NPIPB2: variants seen among roughly 807,000 people sequenced by gnomAD.
NPIPB2 encodes the protein nuclear pore complex interacting protein family member B2.
A neutral mutation model predicts 30.8 loss-of-function variants in NPIPB2; 27 were observed. The observed-to-expected ratio is 0.88, with a 90% CI of 0.65 to 1.21. The LOEUF (loss-of-function observed/expected upper bound fraction) is 1.21, where lower values mean the gene tolerates loss of function less well. Ranked by LOEUF, NPIPB2 falls within the 50% of genes most tolerant of loss-of-function variation. The pLI, the probability that NPIPB2 is intolerant of heterozygous loss-of-function variation, is 0.00. For synonymous variants in NPIPB2, 147 were observed against 162.0 expected (o/e 0.91, Z 0.70); for missense variants, 440 against 446.2 (o/e 0.99, Z 0.13).
chr16:11,952,086 G>A (rs1284451947), intron 1 of NPIPB2, among the ~76,000 whole-genome samples: 1 of 150,970 alleles, frequency 6.6e-6, no homozygotes, highest in Non-Finnish European at 1.5e-5. Flanking sequence ...GTGAACCCAG[G>A]AGGCGGCGCT....
intron 1 of NPIPB2, among the ~76,000 whole-genome samples, chr16:11,976,216 A>G (rs1344689753): frequency 6.6e-6 from 1 of 152,124 alleles, no homozygotes; most frequent in Non-Finnish European, 1.5e-5. Context: ...GGCGTGAGCC[A>G]CCGCACCAGG....
intron 1 of NPIPB2, among the ~76,000 whole-genome samples, chr16:11,956,802 G>T (rs1221565037): frequency 6.6e-6 from 1 of 152,174 alleles, no homozygotes; most frequent in Admixed American, 6.5e-5. Context: ...AACCTCTTTT[G>T]CTCTTGGCAG....
chr16:11,951,930 C>G (rs963378515), intron 1 of NPIPB2, among the ~76,000 whole-genome samples: 6 of 152,028 alleles, frequency 3.9e-5, no homozygotes, highest in African/African-American at 1.4e-4. Flanking sequence ...GAGGCCGAGG[C>G]GGGCGGACCA....
upstream of NPIPB2, among the ~76,000 whole-genome samples, chr16:11,945,491 AG>A (rs998924202): frequency 3.9e-5 from 6 of 151,938 alleles, no homozygotes; most frequent in African/African-American, 1.2e-4. Flanking sequence ...CTGACCACGA[AG>A]GTAAAACCCC....
At chr16:11,945,102 G>T (rs567523713), upstream of NPIPB2, among the ~76,000 whole-genome samples, 1 of 152,166 alleles carries the variant, frequency 6.6e-6, no homozygotes, top group East Asian at 1.9e-4. Flanking sequence ...CAGAAGAATC[G>T]CTTGAACCCG....
At chr16:11,927,519 G>A (rs2054742128) in exon 8 of NPIPB2, 3 of 1,577,364 alleles carry the variant, frequency 1.9e-6, no homozygotes, top group African/African-American at 1.4e-5. Context: ...TTGGGTTCGG[G>A]TGGTGATTCC....
intron 1 of NPIPB2, among the ~76,000 whole-genome samples, chr16:11,972,360 G>C (rs764776675): frequency 1.1e-4 from 17 of 152,108 alleles, no homozygotes; most frequent in Non-Finnish European, 7.4e-5. Context: ...CAGATCGTAA[G>C]GTCAGGAGTT....
chr16:11,951,893 CTCACGCCT>C (rs1567473868), intron 1 of NPIPB2, among the ~76,000 whole-genome samples: 1 of 152,078 alleles, frequency 6.6e-6, no homozygotes, highest in East Asian at 1.9e-4. Context: ...GGCGCGGTGG[CTCACGCCT>C]GTAATCCCAG....
intron 1 of NPIPB2, chr16:11,966,391 G>A (rs775983218): frequency 1.9e-6 from 3 of 1,562,626 alleles, no homozygotes; most frequent in Non-Finnish European, 2.6e-6. Context: ...GATGGCTATT[G>A]TGAGTTTCAG....
At chr16:11,945,985 C>T (rs1358276513), upstream of NPIPB2, among the ~76,000 whole-genome samples, 1 of 149,728 alleles carries the variant, frequency 6.7e-6, no homozygotes, top group East Asian at 1.9e-4. Flanking sequence ...GCTTGTCAAA[C>T]CATCCCCTCA....
chr16:11,945,337 C>T (rs1420495421), upstream of NPIPB2, among the ~76,000 whole-genome samples: 2 of 152,022 alleles, frequency 1.3e-5, no homozygotes, highest in Non-Finnish European at 2.9e-5. Context: ...GCTCTGATGG[C>T]ACCACTGCAG....
upstream of NPIPB2, among the ~76,000 whole-genome samples, chr16:11,942,638 C>A (rs1009307793): frequency 2.6e-5 from 4 of 152,132 alleles, no homozygotes; most frequent in African/African-American, 9.7e-5. Context: ...GGAATCTGTG[C>A]ATTTCAAGAA....
At chr16:11,937,242 A>C (rs1279741086) in intron 2 of NPIPB2, among the ~76,000 whole-genome samples, 1 of 152,198 alleles carries the variant, frequency 6.6e-6, no homozygotes, top group East Asian at 1.9e-4. Flanking sequence ...TTTAGAAAGA[A>C]TTTCCTATTT....
At chr16:11,973,093 G>T (rs1282457406) in intron 1 of NPIPB2, among the ~76,000 whole-genome samples, 3 of 145,138 alleles carry the variant, frequency 2.1e-5, no homozygotes, top group Non-Finnish European at 4.5e-5. Flanking sequence ...CTGAGAGGCA[G>T]AGGCAGAAGT....
intron 1 of NPIPB2, among the ~76,000 whole-genome samples, chr16:11,973,613 G>A (rs1567482022): frequency 6.6e-6 from 1 of 152,096 alleles, no homozygotes; most frequent in African/African-American, 2.4e-5. Context: ...TGTTGCCCAG[G>A]TTGGAGTGCA....
intron 4 of NPIPB2, among the ~76,000 whole-genome samples, chr16:11,932,881 T>C (rs368021301): frequency 7.2e-5 from 10 of 139,720 alleles, no homozygotes; most frequent in African/African-American, 1.1e-4. Flanking sequence ...TTGCTTCAAA[T>C]TGGGAGGCAG....
At chr16:11,968,242 C>T (rs1252247368) in intron 1 of NPIPB2, among the ~76,000 whole-genome samples, 1 of 151,948 alleles carries the variant, frequency 6.6e-6, no homozygotes. Context: ...TTTGAAAGGC[C>T]GAGGCGGGCA....
intron 4 of NPIPB2, among the ~76,000 whole-genome samples, chr16:11,931,583 TC>T (rs1837509002): frequency 6.6e-6 from 1 of 152,010 alleles, no homozygotes; most frequent in Admixed American, 6.6e-5. Context: ...CAGGGTCCTG[TC>T]CCCACGCTAA....
At chr16:11,970,317 A>G (rs2055228248) in intron 1 of NPIPB2, among the ~76,000 whole-genome samples, 1 of 152,052 alleles carries the variant, frequency 6.6e-6, no homozygotes, top group Non-Finnish European at 1.5e-5. Flanking sequence ...GGTTCAAACA[A>G]TTCCCCTGTC....
Sources: allele counts gnomAD v4.1 joint callset (sites outside exome capture counted in the v4.1 genomes callset), GRCh38; gene constraint gnomAD v4.1.1; transcripts MANE v1.5; gene names NCBI Gene and HGNC (gene_info 2026-07-23, HGNC 2026-07-21).